The following DAGLA variants were observed in gnomAD, a reference collection of about 807,000 sequenced individuals.
DAGLA encodes diacylglycerol lipase-alpha.
A neutral mutation model predicts 102.6 loss-of-function variants in DAGLA; 22 were observed. The ratio of observed to expected loss-of-function variants is 0.21; its 90% CI spans 0.15 to 0.31. The LOEUF (loss-of-function observed/expected upper bound fraction) is 0.31. Ranked by LOEUF, DAGLA falls within the 10% of genes least tolerant of loss-of-function variation. DAGLA has a pLI of 1.00. For missense variants in DAGLA, 927 were observed against 1,446.6 expected (o/e 0.64, Z 5.83); for synonymous variants, 578 against 628.9 (o/e 0.92, Z 1.21).
chr11:61,719,985 G>C (rs1341072958), intron 1 of DAGLA, 127 bp from the exon 2 acceptor site: 1 of 633,128 alleles, frequency 1.6e-6, no homozygotes, highest in Non-Finnish European at 2.7e-6. Flanking sequence ...AGCACTTCCA[G>C]TGGCCAGCTC....
At chr11:61,711,110 G>A (rs1480850694) in intron 1 of DAGLA, among the ~76,000 whole-genome samples, 5 of 152,194 alleles carry the variant, frequency 3.3e-5, no homozygotes, top group Non-Finnish European at 5.9e-5. Flanking sequence ...ACGTGTTAGG[G>A]CATGAGGGGA....
At chr11:61,717,910 C>T (rs998375857) in intron 1 of DAGLA, among the ~76,000 whole-genome samples, 2 of 152,192 alleles carry the variant, frequency 1.3e-5, no homozygotes, top group Non-Finnish European at 2.9e-5. Context: ...GGCCCAGGGC[C>T]AGGTTCGGCT....
intron 9 of DAGLA, among the ~76,000 whole-genome samples, chr11:61,731,644 C>G (rs532443376): frequency 1.3e-5 from 2 of 152,318 alleles, no homozygotes; most frequent in South Asian, 4.1e-4. Flanking sequence ...GGGTTCGAAT[C>G]CAGATGTTGT....
Position 61,743,777 on chromosome 11 carries a change from C to T in DAGLA, c.2417C>T (p.Ser806Phe), listed in dbSNP as rs1475530771. Residue 806 changes from serine (S) to phenylalanine (F), a missense_variant, in exon 20 of 20, where the codon TCC becomes TTC. By Grantham distance (155) the Ser-to-Phe change is radical. Transcript: ENST00000257215. Reference sequence around the variant, plus strand: ...TCAGGCTTCCGCAGCATCCGGGGCTCCCCCAGCCTCCACGCTGTGCTGGAG... The same window carrying T: ...TCAGGCTTCCGCAGCATCCGGGGCTTCCCCAGCCTCCACGCTGTGCTGGAG... ...RSSGFRSIRG[S>F]PSLHAVLERD... 1.2e-6 allele frequency: 2 copies of T among 1,612,462 alleles called. No individual in the cohort carries two copies. Among genetic ancestry groups the T allele is most frequent in the Non-Finnish European group, 8.5e-7 (1 of 1,179,918 alleles).
chr11:61,737,069 C>A lies in DAGLA; in HGVS notation c.1372-113C>A, dbSNP rs374652139. The A allele has an allele frequency of 3.0e-5, 43 of 1,456,556 alleles. No homozygotes were observed. In the South Asian group the frequency reaches 4.8e-4, roughly 16 times the overall value. 90.2% of individuals were successfully genotyped at this position (1,456,556 alleles called of 1,614,324 possible). A position where few individuals can be genotyped will look rare whatever the true frequency, so the allele number is the denominator to read the frequency against. On this transcript the variant is annotated intron_variant, in intron 13 of 19. Coordinates refer to ENST00000257215, the MANE Select transcript of DAGLA (RefSeq NM_006133.3). Reference sequence around the variant, plus strand: ...TGCCCTAGCATTCACACAGCACAGACAAGATCCCAGGACTCTGGGAAGATG... The same window carrying A: ...TGCCCTAGCATTCACACAGCACAGAAAAGATCCCAGGACTCTGGGAAGATG...
chr11:61,702,125 C>A (rs535850348), intron 1 of DAGLA, among the ~76,000 whole-genome samples: 2 of 152,258 alleles, frequency 1.3e-5, no homozygotes, highest in Admixed American at 6.5e-5. Context: ...TAGTTTCGAA[C>A]TCCTGGCCTC....
chr11:61,721,587 C>T (rs1345139542), intron 3 of DAGLA, among the ~76,000 whole-genome samples: 1 of 152,194 alleles, frequency 6.6e-6, no homozygotes, highest in Non-Finnish European at 1.5e-5. Context: ...TGCATCTCTT[C>T]AAAGCATATC....
At chr11:61,681,712 C>T (rs1168300732) in intron 1 of DAGLA, among the ~76,000 whole-genome samples, 2 of 152,062 alleles carry the variant, frequency 1.3e-5, no homozygotes, top group African/African-American at 2.4e-5. Flanking sequence ...ACCGGGACTC[C>T]CACCCCCAGG....
At chr11:61,731,484 C>T (rs1004706904) in intron 9 of DAGLA, 43 bp downstream of exon 9, 3 of 1,606,878 alleles carry the variant, frequency 1.9e-6, no homozygotes, top group East Asian at 4.5e-5. Context: ...CACCTCTCCT[C>T]CCGGGTGGTG....
chr11:61,703,113 C>G (rs893514550), intron 1 of DAGLA, among the ~76,000 whole-genome samples: 1 of 152,150 alleles, frequency 6.6e-6, no homozygotes, highest in African/African-American at 2.4e-5. Flanking sequence ...TTCTGTCCTT[C>G]TCAGGCCGTG....
At chr11:61,736,178 T>G (rs1327374260) in intron 12 of DAGLA, 92 bp from the exon 13 acceptor site, 7 of 1,066,754 alleles carry the variant, frequency 6.6e-6, no homozygotes, top group Non-Finnish European at 1.0e-5. Context: ...GAAAAATGGA[T>G]GGGGCAGGGT....
At chr11:61,692,048 T>C (rs560440137) in intron 1 of DAGLA, among the ~76,000 whole-genome samples, 2 of 152,270 alleles carry the variant, frequency 1.3e-5, no homozygotes, top group African/African-American at 4.8e-5. Flanking sequence ...CTCCCAATAA[T>C]GCTGCTGCTG....
intron 8 of DAGLA, among the ~76,000 whole-genome samples, chr11:61,730,970 G>C (rs2065368733): frequency 6.6e-6 from 1 of 152,170 alleles, no homozygotes; most frequent in African/African-American, 2.4e-5. Flanking sequence ...TTGCCGAGGT[G>C]GGGGGATTAC....
At chr11:61,731,226 T>G (rs930583920) in intron 8 of DAGLA, 91 bp from the exon 9 acceptor site, 7 of 1,523,412 alleles carry the variant, frequency 4.6e-6, no homozygotes, top group Non-Finnish European at 5.3e-6. Flanking sequence ...AGGGGTTGGG[T>G]CCGCAGGCTC....
At chr11:61,732,291 C>G (rs1014332609) in intron 9 of DAGLA, among the ~76,000 whole-genome samples, 1 of 152,232 alleles carries the variant, frequency 6.6e-6, no homozygotes, top group Non-Finnish European at 1.5e-5. Flanking sequence ...TCCCTGTCCT[C>G]AGAAAGCTGG....
chr11:61,731,494 G>A (rs2065374948), intron 9 of DAGLA, 53 bp downstream of exon 9: 52 of 1,603,802 alleles, frequency 3.2e-5, no homozygotes, highest in Non-Finnish European at 4.1e-5. Context: ...CCCGGGTGGT[G>A]TGTGAGGAAG....
chr11:61,708,348 T>G (rs1211891343), intron 1 of DAGLA, among the ~76,000 whole-genome samples: 2 of 149,986 alleles, frequency 1.3e-5, no homozygotes, highest in Non-Finnish European at 3.0e-5. Flanking sequence ...ACCAATCTCC[T>G]CCTCTGAGCC....
rs373443118 is a variant in DAGLA, at chr11:61,708,057, G to T, written c.-44-12055G>T. ...GAGTCTTGCTCTATTGCCCAGGCTG[G>T]AGTGCAGTGACGCAGTCTCGGCTCA... On this transcript the variant is annotated intron_variant, in intron 1 of 19. Transcript: ENST00000257215. 1.2e-3 allele frequency among the ~76,000 whole-genome samples: 178 copies of T among 152,200 alleles called. 6 individuals carry two copies. The South Asian group carries it at 0.032, about 28-fold the overall frequency.
intron 1 of DAGLA, among the ~76,000 whole-genome samples, chr11:61,699,064 G>C (rs1338200779): frequency 1.3e-5 from 2 of 152,226 alleles, no homozygotes; most frequent in Non-Finnish European, 1.5e-5. Flanking sequence ...CCCTCAGAAA[G>C]ACAGGGCCTC....
Sources: gnomAD v4.1 joint callset for allele counts (sites outside exome capture counted in the v4.1 genomes callset) on GRCh38, gnomAD v4.1.1 for gene constraint, MANE v1.5 for transcripts, NCBI Gene and HGNC (gene_info 2026-07-23, HGNC 2026-07-21) for gene names.